The following NAT10 variants were observed in gnomAD, a reference collection of about 807,000 sequenced individuals.
NAT10 encodes N-acetyltransferase 10, also known as RNA cytidine acetyltransferase.
Under a neutral mutation model 132.2 loss-of-function variants are expected in NAT10, and 109 were observed. The ratio of observed to expected loss-of-function variants is 0.82; its 90% CI spans 0.71 to 0.97. The LOEUF is 0.97. Among genes scored for constraint, NAT10 ranks in the 50% least tolerant of loss-of-function variants. The pLI is 0.00. For missense variants in NAT10, 1,184 were observed against 1,263.4 expected (o/e 0.94, Z 0.95); for synonymous variants, 479 against 478.0 (o/e 1.00, Z -0.03).
intron 3 of NAT10, among the ~76,000 whole-genome samples, chr11:34,110,559 CTTTTTTTT>C (rs948109196): frequency 2.0e-4 from 20 of 101,718 alleles, no homozygotes; most frequent in African/African-American, 7.6e-4. Flanking sequence ...TTTTCTTTCC[CTTTTTTTT>C]TTTTTTTTTT....
intron 10 of NAT10, 43 bp from the exon 11 acceptor site, chr11:34,124,259 A>C: frequency 1.5e-6 from 2 of 1,354,700 alleles, no homozygotes; most frequent in Non-Finnish European, 2.1e-6. Context: ...TTAGTTTCTG[A>C]AACTTGTTTC....
In NAT10 at chr11:34,145,438, G is replaced by A. The variant is rs73500476; in HGVS notation, c.2970-646G>A. On this transcript the variant is annotated intron_variant, in intron 28 of 28. Transcript: ENST00000257829. ...TGAACTCTTCACGGTCTCCTTATAG[G>A]GAAGTATTTGTTCCCAGAGCAAAAT... Among the ~76,000 whole-genome samples the A allele has an allele frequency of 3.3e-3, 502 of 152,218 alleles. 4 individuals carry two copies. The highest frequency in any genetic ancestry group is 0.011 in the African/African-American group (468 of 41,520).
intron 15 of NAT10, 93 bp downstream of exon 15, chr11:34,132,314 G>A (rs1467431266): frequency 1.8e-5 from 18 of 1,027,626 alleles, no homozygotes. Flanking sequence ...ATTACCCAAT[G>A]GCTTAGGTGA....
intron 2 of NAT10, among the ~76,000 whole-genome samples, 154 bp downstream of exon 2, chr11:34,108,487 T>G (rs1851634859): frequency 6.6e-6 from 1 of 152,206 alleles, no homozygotes; most frequent in Admixed American, 6.5e-5. Context: ...CTGGAAGTGG[T>G]GAATTCTCTG....
intron 23 of NAT10, among the ~76,000 whole-genome samples, chr11:34,139,866 C>A (rs970714114): frequency 6.6e-6 from 1 of 152,050 alleles, no homozygotes. Flanking sequence ...GCCAACAGCA[C>A]ACAGAAGTGC....
chr11:34,119,586 C>CA (rs1181032558), intron 8 of NAT10, among the ~76,000 whole-genome samples: 2 of 150,956 alleles, frequency 1.3e-5, no homozygotes, highest in African/African-American at 2.4e-5. Context: ...GGCCTATGAC[C>CA]AAAAAAAACC....
chr11:34,146,429 A>G lies in NAT10; in HGVS notation c.*237A>G. On this transcript the variant is annotated 3_prime_UTR_variant, in exon 29 of 29. Coordinates refer to ENST00000257829, the MANE Select transcript of NAT10 (RefSeq NM_024662.3). ...CACTGCCATCTCTAGAATTGCCACG[A>G]GTCTCTCTCTTCCTGCCCAGTCCAG... The G allele has an allele frequency of 2.4e-6, 1 of 415,894 alleles. No individual in the cohort carries two copies. Among genetic ancestry groups the G allele is most frequent in the Non-Finnish European group, 4.3e-6 (1 of 231,886 alleles). The allele number at this position is 415,894 out of a possible 1,614,324, so 25.8% of individuals were successfully genotyped here.
At position 34,122,579 on chromosome 11, in the gene NAT10, G is replaced by C. The variant is rs1851913240; in HGVS notation, c.901G>C (p.Ala301Pro). ...AGCCCTGGGATTGGCGATTGCTGGG[G>C]CGGTGGCATTTGGGTAAGGGGATTC... ...SAALGLAIAG[A>P]VAFGYSNIFV... Residue 301 changes from alanine to proline, a missense_variant, in exon 9 of 29, where the codon GCG becomes CCG. Physicochemically the swap from Ala to Pro is conservative, Grantham distance 27. Coordinates refer to ENST00000257829, the MANE Select transcript of NAT10 (RefSeq NM_024662.3). The C allele has an allele frequency of 6.2e-7, 1 of 1,614,022 alleles. No homozygotes were observed. Among genetic ancestry groups the C allele is most frequent in the Admixed American group, 1.7e-5 (1 of 60,000 alleles).
intron 15 of NAT10, among the ~76,000 whole-genome samples, chr11:34,132,803 C>G (rs895165867): frequency 6.6e-6 from 1 of 152,122 alleles, no homozygotes; most frequent in Non-Finnish European, 1.5e-5. Flanking sequence ...CCTCAGTGCT[C>G]GGGGTGAGAG....
intron 8 of NAT10, among the ~76,000 whole-genome samples, chr11:34,121,510 T>G (rs1306272719): frequency 6.6e-6 from 1 of 152,050 alleles, no homozygotes; most frequent in Non-Finnish European, 1.5e-5. Flanking sequence ...GTTTAAAGTT[T>G]GAGATCTGTA....
In NAT10 at chr11:34,140,386, T is replaced by A; in HGVS notation, c.2420-14T>A. On this transcript the variant is annotated splice_polypyrimidine_tract_variant and intron_variant, in intron 23 of 28. Coordinates refer to ENST00000257829, the MANE Select transcript of NAT10 (RefSeq NM_024662.3). ...GGGTGACCTAACCTGTCTAGCTCTC[T>A]ATCCCATGGACAGCCCTGAGCCGGG... The A allele has an allele frequency of 6.2e-7, 1 of 1,609,154 alleles. No homozygotes were observed. The highest frequency in any genetic ancestry group is 1.1e-5 in the South Asian group (1 of 90,952).
intron 5 of NAT10, among the ~76,000 whole-genome samples, chr11:34,114,232 G>C (rs964566486): frequency 1.3e-5 from 2 of 152,184 alleles, no homozygotes; most frequent in Non-Finnish European, 2.9e-5. Flanking sequence ...GATGACGAAG[G>C]AACATTTGCC....
At chr11:34,128,345 C>T (rs1159372390) in intron 12 of NAT10, among the ~76,000 whole-genome samples, 2 of 144,136 alleles carry the variant, frequency 1.4e-5, no homozygotes, top group East Asian at 4.0e-4. Context: ...CAGAGCGAGA[C>T]TGTCTCAAAA....
chr11:34,131,636 G>A, intron 14 of NAT10, 105 bp downstream of exon 14: 1 of 1,223,962 alleles, frequency 8.2e-7, no homozygotes, highest in Non-Finnish European at 1.1e-6. Flanking sequence ...CTAGAGAAAG[G>A]GGAAAGTTGA....
At chr11:34,143,101 T>C (rs1852369375) in intron 27 of NAT10, among the ~76,000 whole-genome samples, 1 of 152,004 alleles carries the variant, frequency 6.6e-6, no homozygotes, top group Non-Finnish European at 1.5e-5. Context: ...AGTGAGAAGA[T>C]TGTGGGGGTG....
At chr11:34,115,100 G>A (rs1851761584) in intron 5 of NAT10, among the ~76,000 whole-genome samples, 1 of 152,202 alleles carries the variant, frequency 6.6e-6, no homozygotes, top group South Asian at 2.1e-4. Flanking sequence ...AGGTTGCGGT[G>A]AGCTGAGGTC....
chr11:34,115,795 G>T (rs780684188), intron 5 of NAT10, 28 bp from the exon 6 acceptor site: 2 of 1,613,022 alleles, frequency 1.2e-6, no homozygotes, highest in Admixed American at 1.7e-5. Flanking sequence ...GCATGCCTTT[G>T]TTAATGGATG....
At chr11:34,112,533 C>G (rs1269060815) in intron 4 of NAT10, among the ~76,000 whole-genome samples, 1 of 152,238 alleles carries the variant, frequency 6.6e-6, no homozygotes, top group Non-Finnish European at 1.5e-5. Context: ...CTCTAGGACC[C>G]TAGGTCCTTA....
At chr11:34,124,218 T>C in intron 10 of NAT10, 84 bp from the exon 11 acceptor site, 1 of 873,046 alleles carries the variant, frequency 1.1e-6, no homozygotes, top group Non-Finnish European at 1.8e-6. Context: ...CCAAGTGAAG[T>C]CTTTAGAATA....
Sources: allele counts gnomAD v4.1 joint callset (sites outside exome capture counted in the v4.1 genomes callset), GRCh38; gene constraint gnomAD v4.1.1; transcripts MANE v1.5; gene names NCBI Gene and HGNC (gene_info 2026-07-23, HGNC 2026-07-21).